The following WDR27 variants were observed in gnomAD, a reference collection of about 807,000 sequenced individuals.
WDR27 encodes WD repeat-containing protein 27.
In WDR27, 100 loss-of-function variants were observed where a neutral mutation model predicts 114.4. That is an observed-to-expected ratio of 0.87 (90% CI 0.74 to 1.03). The LOEUF (loss-of-function observed/expected upper bound fraction) is 1.03. WDR27 is among the 50% of genes least tolerant of loss of function. WDR27 has a pLI of 0.00. For missense variants in WDR27, 1,129 were observed against 1,092.9 expected (o/e 1.03, Z -0.47); for synonymous variants, 449 against 423.1 (o/e 1.06, Z -0.75).
chr6:169,659,254 A>C lies in WDR27; in HGVS notation c.1198-47T>G, dbSNP rs535438671. ...ATCGTTAGCGACACCACCCAGTAAA[A>C]GCAGACGAAACGTGCATCCGCACAC... On this transcript the variant is annotated intron_variant, in intron 11 of 25. Coordinates refer to ENST00000448612, the MANE Select transcript of WDR27 (RefSeq NM_182552.5). This position sits in a 1 kb window ranked among gnomAD's most constrained non-coding sequence, Gnocchi z 4.3. The C allele has an allele frequency of 1.7e-5, 27 of 1,562,216 alleles. No homozygotes were observed. Among genetic ancestry groups the C allele is most frequent in the Non-Finnish European group, 2.3e-5 (27 of 1,152,248 alleles).
intron 1 of WDR27, among the ~76,000 whole-genome samples, chr6:169,692,051 TGA>T (rs1178756071): frequency 7.0e-6 from 1 of 143,140 alleles, no homozygotes; most frequent in Non-Finnish European, 1.5e-5. Flanking sequence ...TCCCAAAATG[TGA>T]GAGGGGGGAA....
chr6:169,694,253 G>A (rs1381266534), intron 1 of WDR27, among the ~76,000 whole-genome samples: 1 of 152,188 alleles, frequency 6.6e-6, no homozygotes, highest in Non-Finnish European at 1.5e-5. Flanking sequence ...TGAGTATGCA[G>A]TGAGCCGAGA....
At position 169,659,879 on chromosome 6, in the gene WDR27, G is replaced by A. The variant is rs1825541059; in HGVS notation, c.1130-361C>T. 6.6e-6 allele frequency among the ~76,000 whole-genome samples: 1 copy of A among 152,026 alleles called. No homozygotes were observed. Among genetic ancestry groups the A allele is most frequent in the Non-Finnish European group, 1.5e-5 (1 of 68,012 alleles). On this transcript the variant is annotated intron_variant, in intron 10 of 25. Transcript: ENST00000448612. This position sits in a 1 kb window ranked among gnomAD's most constrained non-coding sequence, Gnocchi z 4.3. ...TAGAGCTGTGACCATTTGGGGGAAG[G>A]AAAGGCTGAGTTTTCAAGGAGAAGC...
the WDR27 span, among the ~76,000 whole-genome samples, chr6:169,430,835 G>A: frequency 1.3e-5 from 2 of 152,186 alleles, no homozygotes; most frequent in South Asian, 2.1e-4. Context: ...CGGTGGGGAG[G>A]AAGTTGACTG....
intron 25 of WDR27, 79 bp downstream of exon 25, chr6:169,572,340 A>T (rs1212403734): frequency 1.3e-5 from 2 of 152,058 alleles, no homozygotes; most frequent in Non-Finnish European, 2.9e-5. Flanking sequence ...AGAGATCGAG[A>T]CCATCCCATC....
intron 24 of WDR27, among the ~76,000 whole-genome samples, chr6:169,575,258 C>G (rs2128131666): frequency 6.6e-6 from 1 of 150,634 alleles, no homozygotes; most frequent in Admixed American, 6.6e-5. Flanking sequence ...ATCCATCCCT[C>G]CTTCCCTCTC....
intron 25 of WDR27, among the ~76,000 whole-genome samples, chr6:169,460,446 A>C (rs1477250015): frequency 1.3e-5 from 2 of 152,176 alleles, no homozygotes; most frequent in Non-Finnish European, 2.9e-5. Context: ...ATATACATAA[A>C]AGAAATTGAG....
At chr6:169,666,581 CCT>C in intron 6 of WDR27, 1 of 985,516 alleles carries the variant, frequency 1.0e-6, no homozygotes, top group Non-Finnish European at 1.2e-6. Flanking sequence ...ACAGACCGCT[CCT>C]TATGCCGTGC....
At chr6:169,542,887 T>A (rs1442882235) in intron 25 of WDR27, among the ~76,000 whole-genome samples, 1 of 152,068 alleles carries the variant, frequency 6.6e-6, no homozygotes, top group Non-Finnish European at 1.5e-5. Context: ...ATATTTGAGT[T>A]AATTCATTAC....
chr6:169,452,074 T>C, the WDR27 span, among the ~76,000 whole-genome samples: 1 of 152,224 alleles, frequency 6.6e-6, no homozygotes, highest in African/African-American at 2.4e-5. Flanking sequence ...TTCTAGTTTG[T>C]TTTAAAACAA....
intron 25 of WDR27, among the ~76,000 whole-genome samples, chr6:169,523,859 C>A (rs1489740176): frequency 2.0e-5 from 3 of 152,022 alleles, no homozygotes; most frequent in African/African-American, 7.2e-5. Flanking sequence ...AAAATTGAAA[C>A]CCTTTCCTCT....
intron 22 of WDR27, among the ~76,000 whole-genome samples, chr6:169,607,407 C>CAG (rs1809446696): frequency 4.8e-5 from 2 of 41,708 alleles, no homozygotes; most frequent in South Asian, 1.9e-3. Flanking sequence ...CACACACACA[C>CAG]ACACACACAC....
intron 25 of WDR27, among the ~76,000 whole-genome samples, chr6:169,508,070 T>C (rs1792243161): frequency 6.6e-6 from 1 of 152,194 alleles, no homozygotes; most frequent in Non-Finnish European, 1.5e-5. Flanking sequence ...ATTATTTTTA[T>C]ACAGATGAAT....
chr6:169,578,331 G>C (rs61118745), intron 24 of WDR27, among the ~76,000 whole-genome samples: 1 of 152,328 alleles, frequency 6.6e-6, no homozygotes, highest in African/African-American at 2.4e-5. Flanking sequence ...TTATCTTCCA[G>C]AAAGTCCTCT....
chr6:169,645,102 T>TC (rs1267852523), intron 16 of WDR27, among the ~76,000 whole-genome samples: 1 of 134,844 alleles, frequency 7.4e-6, no homozygotes, highest in Non-Finnish European at 1.6e-5. Context: ...AAAGCCTAGT[T>TC]CGCAGGAGTC....
At chr6:169,620,174 G>A (rs2128195556) in intron 21 of WDR27, among the ~76,000 whole-genome samples, 2 of 152,212 alleles carry the variant, frequency 1.3e-5, no homozygotes, top group Admixed American at 6.5e-5. Flanking sequence ...GCTGTCTCAG[G>A]GAGCCAGCTT....
intron 21 of WDR27, among the ~76,000 whole-genome samples, chr6:169,617,304 G>C (rs777112839): frequency 1.3e-5 from 2 of 152,240 alleles, no homozygotes; most frequent in Non-Finnish European, 2.9e-5. Context: ...GGTGCCTGAT[G>C]TATGTAGAGC....
intron 17 of WDR27, among the ~76,000 whole-genome samples, chr6:169,641,705 C>T (rs1027626712): frequency 6.6e-6 from 1 of 152,180 alleles, no homozygotes; most frequent in Non-Finnish European, 1.5e-5. Context: ...AGGAGAGATG[C>T]GCATCTTCAC....
At chr6:169,664,714 A>G in intron 7 of WDR27, 1 of 1,001,272 alleles carries the variant, frequency 1.0e-6, no homozygotes, top group Non-Finnish European at 1.2e-6. Flanking sequence ...ATCTTTTTCA[A>G]ATTATAAAAA....
Sources: gnomAD v4.1 joint callset for allele counts (sites outside exome capture counted in the v4.1 genomes callset) on GRCh38, gnomAD v4.1.1 for gene constraint, Gnocchi (gnomAD v3.1) non-coding constraint, MANE v1.5 for transcripts, NCBI Gene and HGNC (gene_info 2026-07-23, HGNC 2026-07-21) for gene names.